Variants in C3orf49 observed in about 807,000 individuals in gnomAD.
C3orf49 encodes the protein putative uncharacterized protein C3orf49.
In C3orf49, 27 loss-of-function variants were observed where a neutral mutation model predicts 13.3. That is an observed-to-expected ratio of 2.02 (90% CI 1.49 to 2.79). The LOEUF is 2.79. Among genes scored for constraint, C3orf49 ranks in the 30% most tolerant of loss-of-function variants. The pLI, the probability that C3orf49 is intolerant of heterozygous loss-of-function variation, is 0.00. For synonymous variants in C3orf49, 87 were observed against 47.6 expected (o/e 1.83, Z -3.40); for missense variants, 242 against 134.2 (o/e 1.80, Z -3.97).
intron 5 of C3orf49, among the ~76,000 whole-genome samples, chr3:63,844,650 C>T (rs538360341): frequency 9.9e-4 from 150 of 152,222 alleles, no homozygotes; most frequent in African/African-American, 3.3e-3. Flanking sequence ...TTAGTAATCT[C>T]GGAGTGAGCT....
At chr3:63,833,212 T>TCAG (rs1701557407) in intron 5 of C3orf49, among the ~76,000 whole-genome samples, 1 of 151,914 alleles carries the variant, frequency 6.6e-6, no homozygotes, top group Non-Finnish European at 1.5e-5. Flanking sequence ...TTCTCCTGCC[T>TCAG]CAGCCTCCTG....
intron 5 of C3orf49, chr3:63,839,550 T>C (rs1701712002): frequency 2.0e-5 from 19 of 928,740 alleles, no homozygotes; most frequent in African/African-American, 3.3e-5. Flanking sequence ...TTGACTCCAC[T>C]GTACATTTAA....
chr3:63,827,420 G>A (rs770611662), intron 2 of C3orf49, 181 bp from the exon 3 acceptor site: 1 of 501,228 alleles, frequency 2.0e-6, no homozygotes, highest in Non-Finnish European at 3.6e-6. Flanking sequence ...AAAGGCAAAT[G>A]CGTGCAGGAG....
At chr3:63,827,492 C>A in intron 2 of C3orf49, 109 bp from the exon 3 acceptor site, 2 of 561,704 alleles carry the variant, frequency 3.6e-6, no homozygotes, top group East Asian at 2.8e-5. Context: ...AAAAAAAAAG[C>A]CACTGAAGCA....
the C3orf49 span, among the ~76,000 whole-genome samples, chr3:63,805,986 G>A: frequency 4.9e-4 from 74 of 152,144 alleles, 1 homozygote; most frequent in South Asian, 6.8e-3. Context: ...TAGCAGCTGC[G>A]CAGTGCCCCG....
chr3:63,797,276 G>A, the C3orf49 span, among the ~76,000 whole-genome samples: 4 of 152,020 alleles, frequency 2.6e-5, no homozygotes, highest in African/African-American at 4.8e-5. Flanking sequence ...GGGTATGTGT[G>A]TGTATGCAGT....
chr3:63,839,143 T>C (rs1701700393), intron 5 of C3orf49, among the ~76,000 whole-genome samples: 3 of 152,096 alleles, frequency 2.0e-5, no homozygotes, highest in Admixed American at 2.0e-4. Context: ...TGAGCCAAGA[T>C]TGTGCCATTG....
chr3:63,793,000 G>A, the C3orf49 span, among the ~76,000 whole-genome samples: 1 of 152,020 alleles, frequency 6.6e-6, no homozygotes, highest in South Asian at 2.1e-4. Flanking sequence ...TTATTTCTGC[G>A]AATAGACTTA....
chr3:63,834,255 C>A, intron 5 of C3orf49: 1 of 1,529,894 alleles, frequency 6.5e-7, no homozygotes, highest in South Asian at 1.1e-5. Flanking sequence ...ATTTTATATT[C>A]GATGAACACA....
chr3:63,845,097 C>A lies in C3orf49; in HGVS notation c.*30+15C>A, dbSNP rs1173790715. On this transcript the variant is annotated intron_variant, in intron 6 of 6. Transcript: ENST00000295896. ...CACAGGAAAAGGTGATGCTAACCTT[C>A]TTTTCTGGGGGTGGGGGGTACTATC... 5 of 692,966 alleles carry A rather than the reference C, an allele frequency of 7.2e-6. No individual in the cohort carries two copies. Among genetic ancestry groups the A allele is most frequent in the Non-Finnish European group, 1.1e-5 (4 of 380,226 alleles). 42.9% of individuals were successfully genotyped at this position (692,966 alleles called of 1,614,324 possible).
intron 3 of C3orf49, among the ~76,000 whole-genome samples, chr3:63,830,295 TG>T (rs1701515680): frequency 6.6e-6 from 1 of 152,170 alleles, no homozygotes; most frequent in Non-Finnish European, 1.5e-5. Flanking sequence ...CTGGGTTTTA[TG>T]AAAGAGAAAA....
At chr3:63,803,279 T>C in the C3orf49 span, among the ~76,000 whole-genome samples, 1 of 152,198 alleles carries the variant, frequency 6.6e-6, no homozygotes, top group Non-Finnish European at 1.5e-5. Context: ...CAATTCCTCC[T>C]AATAAAAACA....
At chr3:63,833,847 G>C (rs35679464) in intron 5 of C3orf49, 3,553 of 270,616 alleles carry the variant, frequency 0.013, 106 homozygotes, top group African/African-American at 0.071. Flanking sequence ...AAACTACCTA[G>C]AATATTAATG....
chr3:63,807,960 TTCAGAATGTCAAAATTTGAGAAAGTTC>T, the C3orf49 span, among the ~76,000 whole-genome samples: 1 of 151,660 alleles, frequency 6.6e-6, no homozygotes, highest in South Asian at 2.1e-4. Flanking sequence ...AGTGAAAGTT[TTCAGAATGTCAAAATTTGAGAAAGTTC>T]TCACGCAACT....
intron 5 of C3orf49, among the ~76,000 whole-genome samples, chr3:63,843,244 G>A (rs1327749594): frequency 8.6e-5 from 13 of 151,982 alleles, no homozygotes; most frequent in Non-Finnish European, 1.5e-5. Flanking sequence ...TCAGCCTTCC[G>A]AGCAGCTGGG....
At chr3:63,789,617 C>A in the C3orf49 span, among the ~76,000 whole-genome samples, 1 of 151,766 alleles carries the variant, frequency 6.6e-6, no homozygotes. Context: ...TCAAGACCGT[C>A]CTGGCCAACA....
At chr3:63,793,855 C>T in the C3orf49 span, among the ~76,000 whole-genome samples, 4 of 152,052 alleles carry the variant, frequency 2.6e-5, no homozygotes, top group Non-Finnish European at 5.9e-5. Flanking sequence ...GACAAATAAG[C>T]GCTCAATAAA....
chr3:63,835,380 C>T lies in C3orf49; in HGVS notation c.849+3536C>T, dbSNP rs1437441906. 2 of 1,613,184 alleles carry T rather than the reference C, an allele frequency of 1.2e-6. No individual in the cohort carries two copies. The highest frequency in any genetic ancestry group is 1.7e-5 in the Admixed American group (1 of 59,984). On this transcript the variant is annotated intron_variant, in intron 5 of 6. Coordinates refer to ENST00000295896, the MANE Select transcript of C3orf49 (RefSeq NM_001355236.2). ...AGATGCTCTAATTCTTTTCCCAGAG[C>T]CTCTAGTTCCCTGGAAATAATAAAA...
chr3:63,830,117 G>C (rs182360076), intron 3 of C3orf49, among the ~76,000 whole-genome samples: 1 of 152,224 alleles, frequency 6.6e-6, no homozygotes, highest in East Asian at 1.9e-4. Context: ...GCTGCGCCAG[G>C]GTACTGCAGA....
Sources: gnomAD v4.1 joint callset for allele counts (sites outside exome capture counted in the v4.1 genomes callset) on GRCh38, gnomAD v4.1.1 for gene constraint, MANE v1.5 for transcripts, NCBI Gene and HGNC (gene_info 2026-07-23, HGNC 2026-07-21) for gene names.